Variants in TANGO6 observed in about 807,000 individuals in gnomAD.
TANGO6 encodes the protein transport and golgi organization 6 homolog.
Under a neutral mutation model 114.2 loss-of-function variants are expected in TANGO6, and 90 were observed. The ratio of observed to expected loss-of-function variants is 0.79; its 90% CI spans 0.66 to 0.94. The LOEUF is 0.94. Among genes scored for constraint, TANGO6 ranks in the 40% least tolerant of loss-of-function variants. The pLI, the probability that TANGO6 is intolerant of heterozygous loss-of-function variation, is 0.00. For synonymous variants in TANGO6, 477 were observed against 509.8 expected (o/e 0.94, Z 0.87); for missense variants, 1,274 against 1,315.3 (o/e 0.97, Z 0.49).
intron 14 of TANGO6, 80 bp from the exon 15 acceptor site, chr16:68,973,948 A>C: frequency 6.7e-7 from 1 of 1,484,388 alleles, no homozygotes; most frequent in Non-Finnish European, 9.2e-7. Context: ...CTCTGCGTTC[A>C]TCCCATCACA....
intron 12 of TANGO6, among the ~76,000 whole-genome samples, chr16:68,924,008 T>G (rs998855045): frequency 4.6e-5 from 7 of 152,198 alleles, no homozygotes; most frequent in Admixed American, 4.6e-4. Flanking sequence ...CACTTGATTA[T>G]CCTCTAGGTA....
chr16:69,034,365 C>T, intron 16 of TANGO6: 1 of 159,524 alleles, frequency 6.3e-6, no homozygotes, highest in Non-Finnish European at 1.4e-5. Flanking sequence ...TTCACCAAGG[C>T]CACCTTCAAT....
chr16:68,930,376 C>T, intron 14 of TANGO6, 81 bp downstream of exon 14: 1 of 1,247,020 alleles, frequency 8.0e-7, no homozygotes. Flanking sequence ...TCTCTAAAGT[C>T]CTAGGGCCAG....
intron 17 of TANGO6, among the ~76,000 whole-genome samples, chr16:69,045,880 A>G (rs1567565146): frequency 6.6e-6 from 1 of 151,276 alleles, no homozygotes; most frequent in Non-Finnish European, 1.5e-5. Context: ...CCTGGCCAAC[A>G]TAGTGAAACC....
chr16:68,982,150 C>G (rs1195042291), intron 15 of TANGO6, among the ~76,000 whole-genome samples: 1 of 152,140 alleles, frequency 6.6e-6, no homozygotes, highest in African/African-American at 2.4e-5. Flanking sequence ...ACACCTTGTT[C>G]TAGAACCCAC....
intron 16 of TANGO6, among the ~76,000 whole-genome samples, chr16:69,039,941 A>T (rs1163606107): frequency 6.6e-6 from 1 of 152,218 alleles, no homozygotes; most frequent in African/African-American, 2.4e-5. Flanking sequence ...GGTTGGGACC[A>T]TCTTTTTTCC....
At chr16:68,957,644 C>T (rs1963546575) in intron 14 of TANGO6, among the ~76,000 whole-genome samples, 1 of 151,848 alleles carries the variant, frequency 6.6e-6, no homozygotes, top group South Asian at 2.1e-4. Context: ...AATCATCTGC[C>T]CACGTTGGCC....
At chr16:68,982,651 T>TTTTTTTTTTTTTTTTTTTTTTTTTTTC (rs1963849441) in intron 15 of TANGO6, among the ~76,000 whole-genome samples, 1 of 144,286 alleles carries the variant, frequency 6.9e-6, no homozygotes. Flanking sequence ...TTTTTTTTTT[T>TTTTTTTTTTTTTTTTTTTTTTTTTTTC]TGTAGAGACA....
At chr16:68,907,928 C>G (rs530695585) in intron 10 of TANGO6, among the ~76,000 whole-genome samples, 1 of 152,150 alleles carries the variant, frequency 6.6e-6, no homozygotes, top group South Asian at 2.1e-4. Context: ...TAGAGTAATC[C>G]CTTATCCTTT....
At chr16:68,925,178 G>A (rs35507317) in intron 12 of TANGO6, among the ~76,000 whole-genome samples, 1 of 152,080 alleles carries the variant, frequency 6.6e-6, no homozygotes, top group Admixed American at 6.6e-5. Context: ...AGGCATGGTG[G>A]CCGCACCTGG....
intron 15 of TANGO6, among the ~76,000 whole-genome samples, chr16:68,985,432 G>A (rs935726635): frequency 1.3e-5 from 2 of 152,084 alleles, no homozygotes; most frequent in African/African-American, 2.4e-5. Context: ...TAGCACCGGC[G>A]GGTGCAGTGA....
chr16:68,884,324 A>T (rs1489835501), intron 7 of TANGO6, among the ~76,000 whole-genome samples: 3 of 152,192 alleles, frequency 2.0e-5, no homozygotes, highest in African/African-American at 7.2e-5. Flanking sequence ...ATGGAATCAG[A>T]TTGCTCAGAG....
intron 14 of TANGO6, among the ~76,000 whole-genome samples, chr16:68,964,037 TG>T (rs1963620200): frequency 1.2e-4 from 19 of 152,202 alleles, no homozygotes; most frequent in Admixed American, 1.0e-3. Flanking sequence ...GTAGAACAGC[TG>T]ACTAGCTGTT....
At chr16:68,928,211 G>A (rs958072294) in intron 13 of TANGO6, 128 bp downstream of exon 13, 4 of 1,052,550 alleles carry the variant, frequency 3.8e-6, no homozygotes, top group Non-Finnish European at 5.3e-6. Flanking sequence ...TGTGAATTTT[G>A]TGAGGAGGCA....
chr16:69,042,829 A>G (rs1182241752), intron 17 of TANGO6, among the ~76,000 whole-genome samples: 1 of 152,264 alleles, frequency 6.6e-6, no homozygotes, highest in African/African-American at 2.4e-5. Flanking sequence ...TTGTTAAGTA[A>G]GTTGTTAACA....
At chr16:69,075,459 T>TA (rs1236745921) in intron 17 of TANGO6, among the ~76,000 whole-genome samples, 1 of 151,444 alleles carries the variant, frequency 6.6e-6, no homozygotes, top group African/African-American at 2.4e-5. Flanking sequence ...ACTTTTATTT[T>TA]TTTTTTTTTT....
Position 69,059,368 on chromosome 16 carries a change from A to C in TANGO6, c.3108+18947A>C, listed in dbSNP as rs144658059. Among the ~76,000 whole-genome samples, 64 of 149,490 alleles carry C rather than the reference A, an allele frequency of 4.3e-4. No individual in the cohort carries two copies. In the East Asian group the frequency reaches 0.012, roughly 28 times the overall value. Reference sequence around the variant, plus strand: ...ACTACAGGCGTGAGCCACCATGCCCAGAAATTTTTGCATTTTTAGTAGAGA... The same window carrying C: ...ACTACAGGCGTGAGCCACCATGCCCCGAAATTTTTGCATTTTTAGTAGAGA... On this transcript the variant is annotated intron_variant, in intron 17 of 17. Transcript: ENST00000261778.
intron 14 of TANGO6, chr16:68,937,698 G>GTTTGAGT (rs1202924453): frequency 1.3e-5 from 2 of 152,048 alleles, no homozygotes; most frequent in Non-Finnish European, 2.9e-5. Context: ...GAGGTTTGAG[G>GTTTGAGT]TTTCCTTTTT....
chr16:69,044,533 A>G (rs1301911992), intron 17 of TANGO6, among the ~76,000 whole-genome samples: 2 of 152,092 alleles, frequency 1.3e-5, no homozygotes, highest in African/African-American at 2.4e-5. Context: ...TTGGCAAGGC[A>G]TGCGATATAG....
Sources: gnomAD v4.1 joint callset for allele counts (sites outside exome capture counted in the v4.1 genomes callset) on GRCh38, gnomAD v4.1.1 for gene constraint, MANE v1.5 for transcripts, NCBI Gene and HGNC (gene_info 2026-07-23, HGNC 2026-07-21) for gene names.